The following FRMD5 variants were observed in gnomAD, a reference collection of about 807,000 sequenced individuals.
FRMD5 encodes the protein FERM domain-containing protein 5.
A neutral mutation model predicts 69.0 loss-of-function variants in FRMD5; 20 were observed. The ratio of observed to expected loss-of-function variants is 0.29; its 90% confidence interval spans 0.20 to 0.42. FRMD5 has a LOEUF of 0.42. Among genes scored for constraint, FRMD5 ranks in the 10% least tolerant of loss-of-function variants. FRMD5 has a pLI of 1.00. For synonymous variants in FRMD5, 271 were observed against 260.1 expected, an observed-to-expected ratio of 1.04 and a Z score of -0.40; for missense variants, 595 against 708.6, an observed-to-expected ratio of 0.84 and a Z score of 1.82.
intron 6 of FRMD5, 145 bp downstream of exon 6, chr15:43,905,683 A>G (rs2089153770): frequency 2.0e-6 from 2 of 998,834 alleles, no homozygotes; most frequent in East Asian, 2.4e-5. Flanking sequence ...TATCACTGAC[A>G]ATGGTACATC....
intron 1 of FRMD5, among the ~76,000 whole-genome samples, chr15:44,078,567 T>G (rs1166033698): frequency 6.6e-6 from 1 of 152,136 alleles, no homozygotes; most frequent in Non-Finnish European, 1.5e-5. Flanking sequence ...GGTACTGTAC[T>G]GCATAAGAAC....
At chr15:44,163,135 CT>C (rs1389960174) in intron 1 of FRMD5, among the ~76,000 whole-genome samples, 4 of 152,174 alleles carry the variant, frequency 2.6e-5, no homozygotes, top group Admixed American at 2.0e-4. Context: ...GATTGCGCCA[CT>C]GCACTCCAGC....
intron 1 of FRMD5, among the ~76,000 whole-genome samples, chr15:44,033,906 AT>A (rs1290293626): frequency 6.6e-6 from 1 of 152,204 alleles, no homozygotes; most frequent in Non-Finnish European, 1.5e-5. Context: ...ACTGTCTGGT[AT>A]TTATTAAGTG....
At chr15:43,973,192 T>G (rs944230043) in intron 1 of FRMD5, among the ~76,000 whole-genome samples, 1 of 151,870 alleles carries the variant, frequency 6.6e-6, no homozygotes, top group African/African-American at 2.4e-5. Flanking sequence ...CTGGCTAATT[T>G]TTTGTATTTT....
chr15:44,177,416 T>C (rs1395326221), intron 1 of FRMD5, among the ~76,000 whole-genome samples: 2 of 152,134 alleles, frequency 1.3e-5, no homozygotes, highest in Non-Finnish European at 2.9e-5. Flanking sequence ...TGTTACTACA[T>C]GAATGAACCT....
At chr15:43,921,558 T>G (rs920745272) in intron 2 of FRMD5, among the ~76,000 whole-genome samples, 1 of 152,170 alleles carries the variant, frequency 6.6e-6, no homozygotes, top group Admixed American at 6.5e-5. Context: ...CAGAGAAATC[T>G]TGAGAGGAAC....
chr15:43,900,293 T>G (rs972664537), intron 7 of FRMD5, among the ~76,000 whole-genome samples: 1 of 152,130 alleles, frequency 6.6e-6, no homozygotes, highest in Non-Finnish European at 1.5e-5. Flanking sequence ...ATTGGAGCAA[T>G]TTATGGAGGG....
chr15:43,956,250 C>T (rs566498936), intron 1 of FRMD5, among the ~76,000 whole-genome samples: 21 of 152,210 alleles, frequency 1.4e-4, no homozygotes, highest in Non-Finnish European at 2.9e-4. Flanking sequence ...TCAAGTAAGT[C>T]AAGGAACTTA....
chr15:44,121,988 C>CAAAAAAAAAAAAAA (rs34129381), intron 1 of FRMD5, among the ~76,000 whole-genome samples: 1 of 70,010 alleles, frequency 1.4e-5, no homozygotes, highest in Non-Finnish European at 3.0e-5. Flanking sequence ...AAGGGAGACT[C>CAAAAAAAAAAAAAA]AAAAAAAAAA....
intron 1 of FRMD5, among the ~76,000 whole-genome samples, chr15:44,134,594 G>A (rs762757176): frequency 2.0e-5 from 3 of 152,054 alleles, no homozygotes; most frequent in Admixed American, 6.5e-5. Context: ...GATTACAGGC[G>A]CGCGCCACTA....
intron 1 of FRMD5, chr15:43,989,718 C>A: frequency 1.0e-6 from 1 of 994,222 alleles, no homozygotes; most frequent in East Asian, 2.6e-5. Flanking sequence ...ACCCCGTCAT[C>A]GTAGTCCATC....
chr15:43,877,700 T>A (rs1310923962), intron 13 of FRMD5, among the ~76,000 whole-genome samples: 1 of 152,246 alleles, frequency 6.6e-6, no homozygotes, highest in Non-Finnish European at 1.5e-5. Context: ...TAGCTGTATT[T>A]TTTGTCCCTG....
intron 1 of FRMD5, among the ~76,000 whole-genome samples, chr15:43,983,554 G>C (rs2090579506): frequency 6.6e-6 from 1 of 152,098 alleles, no homozygotes; most frequent in Non-Finnish European, 1.5e-5. Flanking sequence ...AAATCACCCA[G>C]GATTTTGTAT....
chr15:43,930,777 C>T lies in FRMD5; in HGVS notation c.103-6468G>A, dbSNP rs534375986. 1.6e-3 allele frequency among the ~76,000 whole-genome samples: 250 copies of T among 152,332 alleles called. 9 individuals are homozygous for T. The South Asian group carries it at 0.052, about 32-fold the overall frequency. Reference sequence around the variant, plus strand: ...CTTGGGTCAGAGAACTGGCTTTGCTCATCGCCACATGGTGTGACACGCAGG... The same window carrying T: ...CTTGGGTCAGAGAACTGGCTTTGCTTATCGCCACATGGTGTGACACGCAGG... On this transcript the variant is annotated intron_variant, in intron 1 of 13. Coordinates refer to ENST00000417257, the MANE Select transcript of FRMD5 (RefSeq NM_032892.5).
intron 1 of FRMD5, among the ~76,000 whole-genome samples, chr15:44,115,580 G>A (rs1485930055): frequency 6.6e-6 from 1 of 152,162 alleles, no homozygotes; most frequent in Admixed American, 6.6e-5. Flanking sequence ...AACTAAGACT[G>A]GGTTGAGATG....
At chr15:44,106,727 A>T in intron 1 of FRMD5, among the ~76,000 whole-genome samples, 1 of 152,172 alleles carries the variant, frequency 6.6e-6, no homozygotes, top group African/African-American at 2.4e-5. Flanking sequence ...TTTGAGAAGT[A>T]TGTCTTCACC....
chr15:44,073,618 T>G (rs1893631667), intron 1 of FRMD5, among the ~76,000 whole-genome samples: 1 of 152,152 alleles, frequency 6.6e-6, no homozygotes, highest in Non-Finnish European at 1.5e-5. Context: ...ATCCTTGGTT[T>G]TCTTTATAGG....
At chr15:43,980,482 C>A (rs1434113664) in intron 1 of FRMD5, among the ~76,000 whole-genome samples, 3 of 152,194 alleles carry the variant, frequency 2.0e-5, no homozygotes, top group Non-Finnish European at 2.9e-5. Flanking sequence ...CCATTTAAGT[C>A]ATTTGATCTT....
At chr15:44,176,455 C>T (rs907167826) in intron 1 of FRMD5, among the ~76,000 whole-genome samples, 4 of 152,074 alleles carry the variant, frequency 2.6e-5, no homozygotes, top group African/African-American at 9.7e-5. Context: ...TATAAACCTT[C>T]TTGACATTGG....
Sources: gnomAD v4.1 joint callset for allele counts (sites outside exome capture counted in the v4.1 genomes callset) on GRCh38, gnomAD v4.1.1 for gene constraint, MANE v1.5 for transcripts, NCBI Gene and HGNC (gene_info 2026-07-23, HGNC 2026-07-21) for gene names.